The following RECQL4 variants were observed in gnomAD, a reference collection of about 807,000 sequenced individuals.
The protein encoded by RECQL4 is ATP-dependent DNA helicase Q4.
RECQL4 carries 158 observed loss-of-function variants against 128.6 expected under a neutral mutation model. The observed-to-expected ratio is 1.23, with a 90% confidence interval of 1.08 to 1.40. The LOEUF is 1.40. RECQL4 is among the 40% of genes most tolerant of loss of function. RECQL4 has a pLI of 0.00. For missense variants in RECQL4, 2,293 were observed against 1,649.8 expected (o/e 1.39, Z -6.75); for synonymous variants, 996 against 678.9 (o/e 1.47, Z -7.26).
At chr8:144,511,884 T>C (rs777101999) in intron 19 of RECQL4, 27 bp downstream of exon 19, 4 of 1,608,640 alleles carry the variant, frequency 2.5e-6, no homozygotes, top group Admixed American at 1.7e-5. Context: ...GCAACCCCGA[T>C]GAGCTGCCTG....
chr8:144,514,649 C>A, intron 9 of RECQL4, 124 bp from the exon 10 acceptor site: 1 of 1,093,452 alleles, frequency 9.1e-7, no homozygotes. Flanking sequence ...GGTCCTGGGT[C>A]CTAGGGCTAA....
intron 9 of RECQL4, 118 bp from the exon 10 acceptor site, chr8:144,514,643 C>T (rs1827884150): frequency 4.4e-6 from 5 of 1,140,542 alleles, no homozygotes; most frequent in Non-Finnish European, 3.7e-6. Context: ...GAACCAGGTC[C>T]TGGGTCCTAG....
chr8:144,516,367 C>G lies in RECQL4; in HGVS notation c.752G>C (p.Ser251Thr), dbSNP rs1269997113. The change falls in exon 5 of 21, where the codon AGC becomes ACC. Residue 251 changes from serine (S) to threonine (T), a missense_variant. Transcript: ENST00000617875. Reference protein sequence around the residue: ...AFQEVSIRVGSPQPSSSGGEK... With the variant: ...AFQEVSIRVGTPQPSSSGGEK... ...GCCTCCACTGCTGCTGGGCTGGGGG[C>G]TCCCCACACGGATGCTGACTTCTTG... The G allele has an allele frequency of 1.2e-6, 2 of 1,610,064 alleles. No individual in the cohort carries two copies. The highest frequency in any genetic ancestry group is 2.2e-5 in the South Asian group (2 of 90,998).
rs781456397 is a variant in RECQL4, at chr8:144,511,986, G to C, written c.3318C>G (p.Arg1106=). ...CCTGCCCTTCCTCTTCCTCAAAGTA[G>C]CGGCCGAGCAGGTCCTTGAGCCTGG... is the stretch of plus-strand genomic sequence containing the variant. The part of the protein sequence containing the change: ...RSTRLKDLLG[R]YFEEEEGQEP... The change falls in exon 19 of 21, where the codon CGC becomes CGG. Residue 1106 remains arginine (R), a synonymous_variant. Transcript: ENST00000617875. 13 of 1,611,010 alleles carry C rather than the reference G, an allele frequency of 8.1e-6. No homozygotes were observed. Among genetic ancestry groups the C allele is most frequent in the Non-Finnish European group, 1.1e-5 (13 of 1,179,500 alleles).
Position 144,512,698 on chromosome 8 carries a change from G to A in RECQL4, c.2829C>T (p.Thr943=), listed in dbSNP as rs753099770. 3.7e-6 allele frequency: 6 copies of A among 1,612,480 alleles called. No individual in the cohort carries two copies. Among genetic ancestry groups the A allele is most frequent in the Middle Eastern group, 1.7e-4 (1 of 6,060 alleles). The change falls in exon 16 of 21, where the codon ACC becomes ACT. Residue 943 remains threonine, a synonymous_variant. Coordinates refer to ENST00000617875, the MANE Select transcript of RECQL4 (RefSeq NM_004260.4). Reference sequence around the variant, plus strand: ...CCCCAGGGCAGTTCAGACGGCAATGGGTATAGGTGGTCGCCAGCAGCTCCA... The same window carrying A: ...CCCCAGGGCAGTTCAGACGGCAATGAGTATAGGTGGTCGCCAGCAGCTCCA... ...HWLELLATTY[T]HCRLNCPGGP...
rs1411551213 is a variant in RECQL4 at position 144,516,756 on chromosome 8, T to C, written c.363A>G (p.Pro121=). 6.6e-7 allele frequency: 1 copy of C among 1,521,178 alleles called. No homozygotes were observed. The allele number at this position is 1,521,178 out of a possible 1,614,324, so 94.2% of individuals were successfully genotyped here. The change falls in exon 5 of 21, where the codon CCA becomes CCG. Residue 121 remains proline (P), a synonymous_variant. Coordinates refer to ENST00000617875, the MANE Select transcript of RECQL4 (RefSeq NM_004260.4). ...ANLKGTLQAG[P]ALGRRPWPLG... ...GAGGCCACGGTCTGCGGCCCAGGGCTGGTCCGGCCTGGGAGGGGAACAACA... is the reference window on the plus strand; with the variant it reads ...GAGGCCACGGTCTGCGGCCCAGGGCCGGTCCGGCCTGGGAGGGGAACAACA...
Position 144,514,084 on chromosome 8 carries a change from C to G in RECQL4, c.1902G>C (p.Val634=). 4 of 1,597,516 alleles carry G rather than the reference C, an allele frequency of 2.5e-6. No homozygotes were observed. Among genetic ancestry groups the G allele is most frequent in the Non-Finnish European group, 3.4e-6 (4 of 1,173,268 alleles). ...VCKVLRERMG[V]HCFLGLTATA... Reference sequence around the variant, plus strand: ...TGGCTGTGAGGCCCAGGAAGCAGTGCACGCCCATGCGCTCCCGAAGCACCT... The same window carrying G: ...TGGCTGTGAGGCCCAGGAAGCAGTGGACGCCCATGCGCTCCCGAAGCACCT... Residue 634 remains valine, a synonymous_variant, in exon 12 of 21, where the codon GTG becomes GTC. Transcript: ENST00000617875.
chr8:144,515,688 A>C, intron 6 of RECQL4, 76 bp downstream of exon 6: 2 of 1,558,942 alleles, frequency 1.3e-6, no homozygotes, highest in Admixed American at 1.8e-5. Flanking sequence ...TGCTTGGAAC[A>C]TAAGTGTCCC....
At position 144,512,645 on chromosome 8, in the gene RECQL4, T is replaced by TGGGCCA. The variant is rs1827468277; in HGVS notation, c.2876_2881dup (p.Leu959_Ala960dup). 6.2e-7 allele frequency: 1 copy of TGGGCCA among 1,611,504 alleles called. No individual in the cohort carries two copies. The highest frequency in any genetic ancestry group is 8.5e-7 in the Non-Finnish European group (1 of 1,179,436). ...CAACTGGGCAGGGCGTGCTTACCTG[T>TGGGCCA]GGGCCAGGGCCTGGAGCTGGGCAGG... is the stretch of plus-strand genomic sequence containing the variant. On this transcript the variant is annotated inframe_insertion, in exon 16 of 21. Transcript: ENST00000617875.
Position 144,515,458 on chromosome 8 carries a change from C to A in RECQL4, c.1259-1G>T. 4 of 1,612,670 alleles carry A rather than the reference C, an allele frequency of 2.5e-6. No individual in the cohort carries two copies. The highest frequency in any genetic ancestry group is 2.2e-5 in the South Asian group (2 of 91,080). Reference sequence around the variant, plus strand: ...ACAGCATCTGTGTCTTCCTCACTTGCTGGGGCAGGCAGGAGAGGGTAGAAT... The same window carrying A: ...ACAGCATCTGTGTCTTCCTCACTTGATGGGGCAGGCAGGAGAGGGTAGAAT... On this transcript the variant is annotated splice_acceptor_variant, in intron 6 of 20. Coordinates refer to ENST00000617875, the MANE Select transcript of RECQL4 (RefSeq NM_004260.4). LOFTEE classifies it high-confidence loss of function.
At chr8:144,517,392 TG>T in intron 3 of RECQL4, 21 bp downstream of exon 3, 1 of 1,550,332 alleles carries the variant, frequency 6.5e-7, no homozygotes. Context: ...GGGAGGAGGC[TG>T]GGGCGGCGGG....
At chr8:144,514,662 G>A (rs942869309) in intron 9 of RECQL4, 137 bp from the exon 10 acceptor site, 7 of 977,202 alleles carry the variant, frequency 7.2e-6, no homozygotes, top group African/African-American at 3.3e-5. Context: ...AGGGCTAAGG[G>A]TTTAGAGCCA....
At chr8:144,512,804 G>A (rs1301728316) in intron 15 of RECQL4, 33 bp from the exon 16 acceptor site, 2 of 1,610,000 alleles carry the variant, frequency 1.2e-6, no homozygotes, top group Admixed American at 3.4e-5. Context: ...CGGACGCGGG[G>A]ACAGCCCCTC....
chr8:144,515,694 G>T, intron 6 of RECQL4, 70 bp downstream of exon 6: 1 of 1,566,242 alleles, frequency 6.4e-7, no homozygotes, highest in Non-Finnish European at 8.7e-7. Context: ...GAACATAAGT[G>T]TCCCCCAAAA....
Position 144,511,693 on chromosome 8 carries a change from A to C in RECQL4, c.3490T>G (p.Phe1164Val). 6.2e-7 allele frequency: 1 copy of C among 1,612,434 alleles called. No individual in the cohort carries two copies. Among genetic ancestry groups the C allele is most frequent in the Non-Finnish European group, 8.5e-7 (1 of 1,179,736 alleles). ...TCCCAGGCCTCACCGATGCCGTGGA[A>C]GATGCGGGCCACAGCCCTGCTGGAG... The part of the protein sequence containing the change: ...KFSSRAVARI[F>V]HGIGSPCYPA... Residue 1164 changes from phenylalanine (F) to valine (V), a missense_variant, in exon 20 of 21, where the codon TTC (phenylalanine) becomes GTC (valine). By Grantham distance (50) the Phe-to-Val change is conservative (BLOSUM62 -1). Transcript: ENST00000617875.
In RECQL4 at chr8:144,513,700, G is replaced by A. The variant is rs1330868114; in HGVS notation, c.2071C>T (p.Leu691=). ...DRDTDQALLT[L]LQGKRFQNLD... ...TTTTGAAAACGTTTGCCTTGCAGCAGCGTCAACAGTGCCTGATGAGGAGCG... is the reference window on the plus strand; with the variant it reads ...TTTTGAAAACGTTTGCCTTGCAGCAACGTCAACAGTGCCTGATGAGGAGCG... The change falls in exon 13 of 21, where the codon CTG becomes TTG. Residue 691 remains leucine (L), a synonymous_variant. Transcript: ENST00000617875. 1.9e-6 allele frequency: 3 copies of A among 1,550,410 alleles called. No individual in the cohort carries two copies. Among genetic ancestry groups the A allele is most frequent in the Admixed American group, 3.9e-5 (2 of 50,970 alleles).
In RECQL4 at chr8:144,516,057, T is replaced by C. The variant is rs774698155; in HGVS notation, c.1062A>G (p.Val354=). 2.4e-5 allele frequency: 39 copies of C among 1,612,572 alleles called. No individual in the cohort carries two copies. Among genetic ancestry groups the C allele is most frequent in the African/African-American group, 2.7e-5 (2 of 74,920 alleles). ...RLARHDRGNY[V]RLNMKQKHYV... ...AGTGTTTCTGCTTCATGTTGAGCCG[T>C]ACGTAATTGCCCCTGTCATGGCGGG... The change falls in exon 5 of 21, where the codon GTA becomes GTG. Residue 354 remains valine, a synonymous_variant. Coordinates refer to ENST00000617875, the MANE Select transcript of RECQL4 (RefSeq NM_004260.4).
Position 144,511,970 on chromosome 8 carries a change from C to T in RECQL4, c.3334G>A (p.Glu1112Lys), listed in dbSNP as rs753620447. The T allele has an allele frequency of 1.2e-5, 19 of 1,611,538 alleles. No homozygotes were observed. The highest frequency in any genetic ancestry group is 5.0e-5 in the Admixed American group (3 of 59,954). ...TCCATGCCTCCCGGCTCCTGCCCTT[C>T]CTCTTCCTCAAAGTAGCGGCCGAGC... ...DLLGRYFEEE[E>K]GQEPGGMEDA... The change falls in exon 19 of 21, where the codon GAA becomes AAA. Residue 1112 changes from glutamate to lysine, a missense_variant. Transcript: ENST00000617875.
At position 144,515,305 on chromosome 8, in the gene RECQL4, G is replaced by GT. The variant is rs761939704; in HGVS notation, c.1390+20_1390+21insA. On this transcript the variant is annotated intron_variant, in intron 7 of 20. Coordinates refer to ENST00000617875, the MANE Select transcript of RECQL4 (RefSeq NM_004260.4). The stretch of plus-strand genomic sequence containing the variant: ...CCCCAACCCCTCAGTGAAGGCTCTG[G>GT]GCCAGAAGCTGACTGCTCACCTGCC... 4.3e-6 allele frequency: 7 copies of GT among 1,611,874 alleles called. No homozygotes were observed. The South Asian group carries it at 7.7e-5, about 18-fold the overall frequency.
Sources: gnomAD v4.1 joint callset for allele counts on GRCh38, gnomAD v4.1.1 for gene constraint, MANE v1.5 for transcripts, NCBI Gene and HGNC (gene_info 2026-07-23, HGNC 2026-07-21) for gene names.